Variants in COL6A5 observed in about 807,000 individuals in gnomAD.
The protein encoded by COL6A5 is collagen type VI alpha 5 chain.
Under a neutral mutation model 65.6 loss-of-function variants are expected in COL6A5, and 48 were observed. The ratio of observed to expected loss-of-function variants is 0.73; its 90% CI spans 0.58 to 0.93. COL6A5 has a LOEUF of 0.93. Ranked by LOEUF, COL6A5 falls within the 40% of genes least tolerant of loss-of-function variation. The pLI, the probability that COL6A5 is intolerant of heterozygous loss-of-function variation, is 0.00. For missense variants in COL6A5, 914 were observed against 928.3 expected (o/e 0.98, Z 0.20); for synonymous variants, 291 against 322.8 (o/e 0.90, Z 1.05).
intron 4 of COL6A5, among the ~76,000 whole-genome samples, chr3:130,452,466 C>T (rs956168270): frequency 1.1e-4 from 17 of 152,084 alleles, no homozygotes; most frequent in African/African-American, 3.4e-4. Flanking sequence ...CATCACATGT[C>T]GGTAGGTTCC....
intron 7 of COL6A5, chr3:130,477,191 C>G: frequency 1.2e-6 from 1 of 846,818 alleles, no homozygotes; most frequent in Non-Finnish European, 1.8e-6. Flanking sequence ...CAATCTATCT[C>G]TGAGTTGTTG....
intron 2 of COL6A5, 38 bp downstream of exon 2, chr3:130,373,743 T>G: frequency 8.0e-7 from 1 of 1,244,230 alleles, no homozygotes. Context: ...ATTTAGGAAA[T>G]ATTTTTACAT....
In COL6A5 at chr3:130,398,122, G is replaced by GTTTTTTTTTTT. The variant is rs1378073311; in HGVS notation, c.3991+13_3991+14insTTTTTTTTTTT. The stretch of plus-strand genomic sequence containing the variant: ...GGCTCAGAGAAGCAGGTATTGAGTT[G>GTTTTTTTTTTT]TTGTTGTTTTTTTTTTTTTTTTTTT... On this transcript the variant is annotated intron_variant and NMD_transcript_variant, in intron 10 of 41. Transcript: ENST00000312481. The GTTTTTTTTTTT allele has an allele frequency of 8.6e-7, 1 of 1,160,916 alleles. No individual in the cohort carries two copies. The highest frequency in any genetic ancestry group is 1.8e-5 in the African/African-American group (1 of 54,784). The allele number at this position is 1,160,916 out of a possible 1,614,324, so 71.9% of individuals were successfully genotyped here.
intron 8 of COL6A5, among the ~76,000 whole-genome samples, chr3:130,396,508 A>G (rs2132826): frequency 0.24 from 37,067 of 152,166 alleles, 6,012 homozygotes; most frequent in East Asian, 0.61. Flanking sequence ...CAGGATCAGA[A>G]TAACCAAATG....
chr3:130,368,162 G>C (rs530208561), intron 1 of COL6A5, among the ~76,000 whole-genome samples: 17 of 152,316 alleles, frequency 1.1e-4, no homozygotes, highest in African/African-American at 4.1e-4. Flanking sequence ...GCTACAGCAG[G>C]CTCCCTGGGA....
At chr3:130,382,567 G>A (rs1936036336) in intron 4 of COL6A5, among the ~76,000 whole-genome samples, 1 of 152,140 alleles carries the variant, frequency 6.6e-6, no homozygotes. Context: ...GGTAGGGCCT[G>A]GGCCCATGCA....
intron 12 of COL6A5, 133 bp from the exon 13 acceptor site, chr3:130,403,476 A>G: frequency 1.4e-6 from 1 of 695,918 alleles, no homozygotes; most frequent in South Asian, 1.9e-5. Context: ...ATTCTCCCCA[A>G]ACTCACGGCC....
At chr3:130,421,164 C>A in exon 26 of COL6A5, 1 of 1,550,582 alleles carries the variant, frequency 6.4e-7, no homozygotes. Context: ...GAGATTCTGG[C>A]ATCCCAGGCT....
chr3:130,469,515 A>G, intron 6 of COL6A5, 34 bp downstream of exon 38: 6 of 1,522,562 alleles, frequency 3.9e-6, no homozygotes, highest in Non-Finnish European at 5.4e-6. Flanking sequence ...TGCTTTTGCA[A>G]TAGATTTAAT....
chr3:130,480,429 CTTA>C (rs1418292287), intron 7 of COL6A5, among the ~76,000 whole-genome samples: 10 of 151,662 alleles, frequency 6.6e-5, no homozygotes, highest in Admixed American at 2.0e-4. Flanking sequence ...AGCATATAAA[CTTA>C]TTAGAGTTAG....
At chr3:130,438,108 C>T (rs922789011) in intron 1 of COL6A5, among the ~76,000 whole-genome samples, 2 of 152,072 alleles carry the variant, frequency 1.3e-5, no homozygotes, top group Admixed American at 6.6e-5. Context: ...AGCGATTCTT[C>T]AGCCTCAGCC....
At chr3:130,484,433 G>A (rs925420015) in exon 8 of COL6A5, 2 of 402,272 alleles carry the variant, frequency 5.0e-6, no homozygotes, top group African/African-American at 4.1e-5. Context: ...TCCTCTAAAA[G>A]CATTTGGAAT....
intron 5 of COL6A5, among the ~76,000 whole-genome samples, chr3:130,465,878 G>A (rs1287050990): frequency 6.6e-6 from 1 of 152,020 alleles, no homozygotes; most frequent in Non-Finnish European, 1.5e-5. Flanking sequence ...AGAATTTGCA[G>A]GGTTGAAAAC....
exon 6 of COL6A5, chr3:130,388,761 G>A (rs1936287748): frequency 6.4e-7 from 1 of 1,551,320 alleles, no homozygotes; most frequent in Non-Finnish European, 8.7e-7. Context: ...AAGAGTTCCA[G>A]CTTAATAGAT....
chr3:130,481,064 T>A (rs1311570305), intron 7 of COL6A5, among the ~76,000 whole-genome samples: 1 of 151,932 alleles, frequency 6.6e-6, no homozygotes, highest in African/African-American at 2.4e-5. Context: ...TTTTTTTTAA[T>A]CCTTTAAGTT....
intron 6 of COL6A5, 50 bp from the exon 7 acceptor site, chr3:130,391,129 G>A (rs1279738238): frequency 4.5e-6 from 6 of 1,331,980 alleles, no homozygotes; most frequent in South Asian, 2.8e-5. Flanking sequence ...AGCACCCTGC[G>A]TAGAATGCAC....
intron 5 of COL6A5, 27 bp downstream of exon 37, chr3:130,455,693 A>C (rs765726880): frequency 3.3e-6 from 5 of 1,530,664 alleles, no homozygotes; most frequent in Non-Finnish European, 4.5e-6. Flanking sequence ...TCATGATGGA[A>C]ATGTTTAAAT....
exon 2 of COL6A5, chr3:130,373,658 T>C (rs1935644482): frequency 1.3e-6 from 2 of 1,540,702 alleles, no homozygotes; most frequent in African/African-American, 1.4e-5. Context: ...TTGCTAATTA[T>C]ATTTGTCCTA....
intron 10 of COL6A5, among the ~76,000 whole-genome samples, chr3:130,399,636 G>T (rs1936744971): frequency 6.6e-6 from 1 of 151,788 alleles, no homozygotes; most frequent in South Asian, 2.1e-4. Context: ...CTCCCAAAGT[G>T]CTGGGATTAC....
Sources: gnomAD v4.1 joint callset for allele counts (sites outside exome capture counted in the v4.1 genomes callset) on GRCh38, gnomAD v4.1.1 for gene constraint, MANE v1.5 for transcripts, NCBI Gene and HGNC (gene_info 2026-07-23, HGNC 2026-07-21) for gene names.